Variants in CNTNAP4 observed in about 807,000 individuals in gnomAD.
The protein encoded by CNTNAP4 is contactin-associated protein-like 4.
A neutral mutation model predicts 148.4 loss-of-function variants in CNTNAP4; 98 were observed. That is an observed-to-expected ratio of 0.66 (90% CI 0.56 to 0.78). CNTNAP4 has a LOEUF of 0.78. Ranked by LOEUF, CNTNAP4 falls within the 30% of genes least tolerant of loss-of-function variation. CNTNAP4 has a pLI of 0.00. For missense variants in CNTNAP4, 1,935 were observed against 1,565.6 expected, an observed-to-expected ratio of 1.24 and a Z score of -3.98; for synonymous variants, 730 against 565.1, an observed-to-expected ratio of 1.29 and a Z score of -4.14.
Position 76,558,905 on chromosome 16 carries a change from T to G in CNTNAP4, c.*222T>G. ...ACAAGAAATTAGATATTGCTGTTAA[T>G]TTTCAACTGTTCTGGTATGATCTAA... is the stretch of plus-strand genomic sequence containing the variant. On this transcript the variant is annotated 3_prime_UTR_variant, in exon 24 of 24. Coordinates refer to ENST00000611870, the MANE Select transcript of CNTNAP4 (RefSeq NM_033401.5). The G allele has an allele frequency of 2.5e-6, 1 of 396,554 alleles. No homozygotes were observed. The highest frequency in any genetic ancestry group is 4.5e-6 in the Non-Finnish European group (1 of 223,150). The allele number at this position is 396,554 out of a possible 1,614,324, so 24.6% of individuals were successfully genotyped here. A position where few individuals can be genotyped will look rare whatever the true frequency, so the allele number is the denominator to read the frequency against.
intron 2 of CNTNAP4, among the ~76,000 whole-genome samples, chr16:76,342,728 T>C (rs1006802490): frequency 2.0e-5 from 3 of 152,196 alleles, no homozygotes; most frequent in Non-Finnish European, 4.4e-5. Flanking sequence ...CACCTCGGCA[T>C]AAATTGCTAA....
chr16:76,380,312 G>GT (rs1366812683), intron 3 of CNTNAP4, among the ~76,000 whole-genome samples: 1 of 152,116 alleles, frequency 6.6e-6, no homozygotes, highest in Non-Finnish European at 1.5e-5. Flanking sequence ...TGGTATAGGC[G>GT]TATAGGACCA....
rs74795185 is a variant in CNTNAP4 at position 76,449,042 on chromosome 16, T to C, written c.927+91T>C. 2.3e-5 allele frequency: 28 copies of C among 1,195,372 alleles called. No homozygotes were observed. In the African/African-American group the frequency reaches 3.8e-4, roughly 16 times the overall value. 74.0% of individuals were successfully genotyped at this position (1,195,372 alleles called of 1,614,324 possible). ...AAAATACACTATAAAGAGCCCACCT[T>C]TTCAGTAAATCATAGAACAGGTGAA... is the stretch of plus-strand genomic sequence containing the variant. On this transcript the variant is annotated intron_variant, in intron 6 of 23. Coordinates refer to ENST00000611870, the MANE Select transcript of CNTNAP4 (RefSeq NM_033401.5).
chr16:76,310,468 G>C (rs538739602), intron 1 of CNTNAP4, among the ~76,000 whole-genome samples: 1 of 152,146 alleles, frequency 6.6e-6, no homozygotes, highest in Non-Finnish European at 1.5e-5. Context: ...TAGATGTCTT[G>C]AAGGGAAGGC....
At chr16:76,522,929 ATTTG>A (rs981953219) in intron 17 of CNTNAP4, among the ~76,000 whole-genome samples, 2 of 150,966 alleles carry the variant, frequency 1.3e-5, no homozygotes, top group Non-Finnish European at 2.9e-5. Flanking sequence ...CGCCTGGCTA[ATTTG>A]TTTGTATTTT....
intron 11 of CNTNAP4, among the ~76,000 whole-genome samples, chr16:76,478,267 CT>C (rs2081664383): frequency 6.6e-6 from 1 of 152,142 alleles, no homozygotes. Flanking sequence ...CTTTCAAGGA[CT>C]TTATGAACAT....
intron 15 of CNTNAP4, among the ~76,000 whole-genome samples, chr16:76,502,356 C>T (rs1003221486): frequency 2.7e-5 from 4 of 149,740 alleles, no homozygotes; most frequent in Admixed American, 1.3e-4. Context: ...ACTTAAGTTA[C>T]AACGCCATAG....
intron 3 of CNTNAP4, among the ~76,000 whole-genome samples, chr16:76,387,011 C>G (rs1019257738): frequency 6.7e-6 from 1 of 150,154 alleles, no homozygotes; most frequent in Non-Finnish European, 1.5e-5. Flanking sequence ...CCTCTGCAAG[C>G]TGGAAAGGAC....
chr16:76,394,319 A>T (rs1035994012), intron 3 of CNTNAP4, among the ~76,000 whole-genome samples: 1 of 152,130 alleles, frequency 6.6e-6, no homozygotes, highest in Non-Finnish European at 1.5e-5. Context: ...TTGATATTGG[A>T]AAGGTTGGAT....
chr16:76,457,761 C>A (rs763115178), intron 8 of CNTNAP4, among the ~76,000 whole-genome samples: 7 of 151,708 alleles, frequency 4.6e-5, no homozygotes, highest in Non-Finnish European at 1.0e-4. Context: ...GGTTAGTGGG[C>A]TTGTATTTTA....
intron 1 of CNTNAP4, among the ~76,000 whole-genome samples, chr16:76,302,203 A>C (rs1960043053): frequency 6.6e-6 from 1 of 152,178 alleles, no homozygotes; most frequent in South Asian, 2.1e-4. Flanking sequence ...AAAATAAAAA[A>C]CAAAAAACAG....
intron 3 of CNTNAP4, among the ~76,000 whole-genome samples, chr16:76,362,289 G>A (rs1396972519): frequency 2.0e-5 from 3 of 152,118 alleles, no homozygotes; most frequent in Non-Finnish European, 2.9e-5. Flanking sequence ...TGTGTTCATG[G>A]ATTAGAAGAC....
chr16:76,365,554 T>G (rs1430944080), intron 3 of CNTNAP4, among the ~76,000 whole-genome samples: 1 of 151,868 alleles, frequency 6.6e-6, no homozygotes, highest in Non-Finnish European at 1.5e-5. Context: ...AGTTCAAAAC[T>G]AGCCTGGCCA....
chr16:76,479,316 A>G (rs1018045083), intron 11 of CNTNAP4, 103 bp from the exon 12 acceptor site: 3 of 1,036,684 alleles, frequency 2.9e-6, no homozygotes, highest in South Asian at 2.1e-5. Context: ...CTGGTCAGTA[A>G]TGTACATTTT....
chr16:76,516,629 G>A (rs2083263905), intron 15 of CNTNAP4, among the ~76,000 whole-genome samples: 1 of 152,208 alleles, frequency 6.6e-6, no homozygotes, highest in Admixed American at 6.5e-5. Flanking sequence ...AAGCTTTATT[G>A]GTAATAGCTG....
rs900895587 is a variant in CNTNAP4 at position 76,421,902 on chromosome 16, G to A, written c.391-5550G>A. Reference sequence around the variant, plus strand: ...TGCAGAGTCTGCTGTGCAACTATGTGTAACGGGTCCCATGTTTCTGATTTA... The same window carrying A: ...TGCAGAGTCTGCTGTGCAACTATGTATAACGGGTCCCATGTTTCTGATTTA... On this transcript the variant is annotated intron_variant, in intron 3 of 23. Coordinates refer to ENST00000611870, the MANE Select transcript of CNTNAP4 (RefSeq NM_033401.5). 2.0e-5 allele frequency among the ~76,000 whole-genome samples: 3 copies of A among 152,082 alleles called. No homozygotes were observed. The East Asian group carries it at 5.8e-4, about 29-fold the overall frequency.
intron 4 of CNTNAP4, among the ~76,000 whole-genome samples, chr16:76,442,110 C>G (rs1261719518): frequency 1.3e-5 from 2 of 151,976 alleles, no homozygotes; most frequent in Admixed American, 1.3e-4. Context: ...CCAGGCGGAC[C>G]TGATGTAATC....
intron 21 of CNTNAP4, among the ~76,000 whole-genome samples, chr16:76,541,918 A>C (rs185854685): frequency 6.7e-4 from 102 of 152,362 alleles, no homozygotes; most frequent in Non-Finnish European, 8.4e-4. Flanking sequence ...AAAAATTCCA[A>C]GGGAGTCTCA....
chr16:76,527,162 C>G (rs2083774649), intron 17 of CNTNAP4, among the ~76,000 whole-genome samples: 1 of 152,160 alleles, frequency 6.6e-6, no homozygotes, highest in South Asian at 2.1e-4. Context: ...TCTTCCTCTC[C>G]TTTAATGAGA....
Sources: allele counts gnomAD v4.1 joint callset (sites outside exome capture counted in the v4.1 genomes callset), GRCh38; gene constraint gnomAD v4.1.1; transcripts MANE v1.5; gene names NCBI Gene and HGNC (gene_info 2026-07-23, HGNC 2026-07-21).